Variants in CPD observed in about 807,000 individuals in gnomAD.
The protein encoded by CPD is metallocarboxypeptidase D.
In CPD, 69 loss-of-function variants were observed where a neutral mutation model predicts 138.3. The observed-to-expected ratio is 0.50, with a 90% CI of 0.41 to 0.61. The LOEUF (loss-of-function observed/expected upper bound fraction) is 0.61. Among genes scored for constraint, CPD ranks in the 20% least tolerant of loss-of-function variants. The pLI is 0.00. For missense variants in CPD, 1,432 were observed against 1,733.3 expected (o/e 0.83, Z 3.09); for synonymous variants, 651 against 642.1 (o/e 1.01, Z -0.21).
At chr17:30,425,795 C>T (rs1311621482) in intron 6 of CPD, among the ~76,000 whole-genome samples, 1 of 152,060 alleles carries the variant, frequency 6.6e-6, no homozygotes, top group African/African-American at 2.4e-5. Flanking sequence ...ATTTTTCCTC[C>T]CAGATTATGA....
At chr17:30,435,351 A>T (rs764719637) in intron 8 of CPD, among the ~76,000 whole-genome samples, 1 of 151,776 alleles carries the variant, frequency 6.6e-6, no homozygotes, top group Non-Finnish European at 1.5e-5. Context: ...ATAAATTCTT[A>T]TGTTGATGGT....
At chr17:30,454,118 G>A (rs971889355) in intron 14 of CPD, 1 of 152,184 alleles carries the variant, frequency 6.6e-6, no homozygotes, top group Non-Finnish European at 1.5e-5. Flanking sequence ...TAGGCTCCTG[G>A]CTACTTATGC....
Position 30,442,429 on chromosome 17 carries a change from A to G in CPD, c.2352A>G (p.Ser784=). The G allele has an allele frequency of 6.2e-7, 1 of 1,613,320 alleles. No homozygotes were observed. The highest frequency in any genetic ancestry group is 8.5e-7 in the Non-Finnish European group (1 of 1,179,464). ...ACTTTTGGGAACAGAATCGAAGATCACTAATCCAGTTTATGAAACAGGTGA... is the reference window on the plus strand; with the variant it reads ...ACTTTTGGGAACAGAATCGAAGATCGCTAATCCAGTTTATGAAACAGGTGA... ...LPNFWEQNRR[S]LIQFMKQVHQ... Residue 784 remains serine, a synonymous_variant, in exon 10 of 21, where the codon TCA becomes TCG. Coordinates refer to ENST00000225719, the MANE Select transcript of CPD (RefSeq NM_001304.5).
Position 30,465,140 on chromosome 17 carries a change from G to A in CPD, c.*326G>A. 1 of 237,616 alleles carries A rather than the reference G, an allele frequency of 4.2e-6. No homozygotes were observed. Among genetic ancestry groups the A allele is most frequent in the South Asian group, 6.7e-5 (1 of 14,864 alleles). 14.7% of individuals were successfully genotyped at this position (237,616 alleles called of 1,614,324 possible). ...GGATGTTGTATTTTGCACATCAGATGTTTACTAGTGGCTTTAGTATTTTTC... is the reference window on the plus strand; with the variant it reads ...GGATGTTGTATTTTGCACATCAGATATTTACTAGTGGCTTTAGTATTTTTC... On this transcript the variant is annotated 3_prime_UTR_variant, in exon 21 of 21. Transcript: ENST00000225719.
rs1203848086 is a variant in CPD, at chr17:30,464,853, C to T, written c.*39C>T. 6.6e-7 allele frequency: 1 copy of T among 1,510,940 alleles called. No homozygotes were observed. The highest frequency in any genetic ancestry group is 1.1e-5 in the South Asian group (1 of 88,880). 93.6% of individuals were successfully genotyped at this position (1,510,940 alleles called of 1,614,324 possible). A position where few individuals can be genotyped will look rare whatever the true frequency, so the allele number is the denominator to read the frequency against. The stretch of plus-strand genomic sequence containing the variant: ...CATATCTCCCAGCATAAGTACCAAG[C>T]AAAATTACAGTTCCTCTTGGGAGAA... On this transcript the variant is annotated 3_prime_UTR_variant, in exon 21 of 21. Transcript: ENST00000225719.
chr17:30,419,215 C>G (rs1250952671), intron 2 of CPD, among the ~76,000 whole-genome samples: 2 of 152,172 alleles, frequency 1.3e-5, no homozygotes, highest in African/African-American at 2.4e-5. Context: ...AGCCCCGGTT[C>G]TTTGATGAAC....
intron 8 of CPD, among the ~76,000 whole-genome samples, chr17:30,433,624 A>G (rs780410036): frequency 6.6e-6 from 1 of 152,112 alleles, no homozygotes; most frequent in Admixed American, 6.5e-5. Context: ...TATAGTCCAT[A>G]TGTGTGCTCT....
chr17:30,457,291 CTTCA>C (rs1913326584), intron 17 of CPD, among the ~76,000 whole-genome samples: 1 of 152,236 alleles, frequency 6.6e-6, no homozygotes, highest in African/African-American at 2.4e-5. Context: ...TGTATCATTA[CTTCA>C]TTCATTTTTA....
intron 2 of CPD, among the ~76,000 whole-genome samples, chr17:30,400,049 T>G (rs1911612639): frequency 6.6e-6 from 1 of 152,068 alleles, no homozygotes; most frequent in East Asian, 1.9e-4. Flanking sequence ...TTGCATAGAG[T>G]TGGGCCTTGT....
Position 30,379,752 on chromosome 17 carries a change from T to C in CPD, c.746+26T>C, listed in dbSNP as rs534532633. The C allele has an allele frequency of 1.7e-4, 240 of 1,413,846 alleles. No individual in the cohort carries two copies. Among genetic ancestry groups the C allele is most frequent in the Non-Finnish European group, 2.1e-4 (224 of 1,087,192 alleles). The allele number at this position is 1,413,846 out of a possible 1,614,324, so 87.6% of individuals were successfully genotyped here. Reference sequence around the variant, plus strand: ...GTGAGTGTTGCCTGCCCCCTCCCCGTCCGTGTGAGCCTCCAAGGGCCGAGG... The same window carrying C: ...GTGAGTGTTGCCTGCCCCCTCCCCGCCCGTGTGAGCCTCCAAGGGCCGAGG... On this transcript the variant is annotated intron_variant, in intron 1 of 20. Transcript: ENST00000225719. This position sits in a 1 kb window ranked among gnomAD's most constrained non-coding sequence, Gnocchi z 7.0.
chr17:30,396,309 G>A (rs1049143883), intron 2 of CPD, among the ~76,000 whole-genome samples: 2 of 151,796 alleles, frequency 1.3e-5, no homozygotes, highest in African/African-American at 4.8e-5. Flanking sequence ...TAGTTTCCTT[G>A]TAAAAGATTA....
chr17:30,439,101 C>T (rs990426774), intron 9 of CPD, 24 bp downstream of exon 9: 1 of 1,379,920 alleles, frequency 7.2e-7, no homozygotes, highest in Non-Finnish European at 1.0e-6. Flanking sequence ...TATATCAAGG[C>T]CTTACAACTT....
chr17:30,396,450 T>C (rs1033371686), intron 2 of CPD, among the ~76,000 whole-genome samples: 1 of 152,196 alleles, frequency 6.6e-6, no homozygotes, highest in Non-Finnish European at 1.5e-5. Flanking sequence ...TTTGGCTTTC[T>C]GTTTGAGACA....
chr17:30,405,430 T>G (rs942663964), intron 2 of CPD, among the ~76,000 whole-genome samples: 2 of 152,178 alleles, frequency 1.3e-5, no homozygotes, highest in Non-Finnish European at 2.9e-5. Flanking sequence ...TTAATTTTTT[T>G]CTTTTGGCAT....
intron 2 of CPD, among the ~76,000 whole-genome samples, chr17:30,411,428 T>C (rs1028433656): frequency 1.3e-5 from 2 of 152,238 alleles, no homozygotes; most frequent in South Asian, 4.1e-4. Flanking sequence ...GGAGAAGTTC[T>C]CCTGGATAAT....
intron 12 of CPD, 57 bp downstream of exon 12, chr17:30,446,077 A>G: frequency 8.4e-7 from 1 of 1,197,170 alleles, no homozygotes; most frequent in East Asian, 2.4e-5. Flanking sequence ...AATCAGCATT[A>G]GCCATGTTGA....
At chr17:30,393,990 T>G (rs1911424799) in intron 2 of CPD, among the ~76,000 whole-genome samples, 1 of 151,428 alleles carries the variant, frequency 6.6e-6, no homozygotes, top group Non-Finnish European at 1.5e-5. Flanking sequence ...CAAAAATTAG[T>G]GGGGCATGGT....
intron 8 of CPD, among the ~76,000 whole-genome samples, chr17:30,433,549 T>A (rs978110837): frequency 3.3e-5 from 5 of 152,126 alleles, no homozygotes; most frequent in Non-Finnish European, 7.4e-5. Flanking sequence ...ATTACCATTA[T>A]CTCTTTTCTC....
At chr17:30,422,581 G>T (rs1314708554) in intron 4 of CPD, 93 bp from the exon 5 acceptor site, 26 of 782,202 alleles carry the variant, frequency 3.3e-5, no homozygotes, top group Non-Finnish European at 4.3e-5. Context: ...ATCGCTAAGT[G>T]TAAGAGGATG....
Sources: allele counts gnomAD v4.1 joint callset (sites outside exome capture counted in the v4.1 genomes callset), GRCh38; gene constraint gnomAD v4.1.1; non-coding constraint Gnocchi (gnomAD v3.1); transcripts MANE v1.5; gene names NCBI Gene and HGNC (gene_info 2026-07-23, HGNC 2026-07-21).